The following RFX3 variants were observed in gnomAD, a reference collection of about 807,000 sequenced individuals.
RFX3 encodes regulatory factor X3, also known as transcription factor RFX3.
RFX3 carries 14 observed loss-of-function variants against 98.6 expected under a neutral mutation model. That is an observed-to-expected ratio of 0.14 (90% CI 0.09 to 0.22). The LOEUF is 0.22. Among genes scored for constraint, RFX3 ranks in the 10% least tolerant of loss-of-function variants. The pLI, the probability that RFX3 is intolerant of heterozygous loss-of-function variation, is 1.00. For missense variants in RFX3, 639 were observed against 926.9 expected (o/e 0.69, Z 4.03); for synonymous variants, 383 against 328.4 (o/e 1.17, Z -1.80).
chr9:3,411,828 T>C (rs1165045352), intron 1 of RFX3, among the ~76,000 whole-genome samples: 2 of 151,954 alleles, frequency 1.3e-5, no homozygotes, highest in East Asian at 1.9e-4. Flanking sequence ...CCTCCAATTA[T>C]ACGGACCTAG....
intron 2 of RFX3, among the ~76,000 whole-genome samples, chr9:3,365,120 T>C (rs971907588): frequency 6.6e-6 from 1 of 151,854 alleles, no homozygotes; most frequent in Non-Finnish European, 1.5e-5. Flanking sequence ...GCCAACATGG[T>C]GAAACCCCGT....
intron 2 of RFX3, among the ~76,000 whole-genome samples, chr9:3,349,285 G>T (rs906924516): frequency 1.3e-5 from 2 of 151,764 alleles, no homozygotes; most frequent in African/African-American, 2.4e-5. Flanking sequence ...ACTAATATTT[G>T]ATTATCAAAT....
At chr9:3,442,794 G>C (rs1329937445) in intron 1 of RFX3, among the ~76,000 whole-genome samples, 1 of 152,144 alleles carries the variant, frequency 6.6e-6, no homozygotes, top group East Asian at 1.9e-4. Flanking sequence ...GCTTCTGGAA[G>C]AAGACATAAA....
chr9:3,316,070 A>T (rs765587453), intron 4 of RFX3, among the ~76,000 whole-genome samples: 7 of 150,136 alleles, frequency 4.7e-5, no homozygotes, highest in Admixed American at 2.6e-4. Context: ...GGGACACAAT[A>T]AAAAAAAAGA....
chr9:3,327,211 C>A (rs1832022569), intron 4 of RFX3, among the ~76,000 whole-genome samples: 1 of 151,666 alleles, frequency 6.6e-6, no homozygotes, highest in Admixed American at 6.6e-5. Flanking sequence ...AAAAAAAAAT[C>A]TTGATTTTTA....
chr9:3,344,955 G>C, intron 3 of RFX3: 2 of 626,114 alleles, frequency 3.2e-6, no homozygotes, highest in South Asian at 3.7e-5. Flanking sequence ...GATTTAATAC[G>C]GTAACAGAAA....
intron 2 of RFX3, among the ~76,000 whole-genome samples, chr9:3,380,300 C>G (rs934003407): frequency 6.6e-6 from 1 of 152,218 alleles, no homozygotes; most frequent in Non-Finnish European, 1.5e-5. Flanking sequence ...ACCACCCTCT[C>G]TAGAAAGTTT....
At chr9:3,361,177 G>A (rs1230932519) in intron 2 of RFX3, among the ~76,000 whole-genome samples, 1 of 152,116 alleles carries the variant, frequency 6.6e-6, no homozygotes, top group African/African-American at 2.4e-5. Context: ...ATGTGAAACA[G>A]AAGGAAAAAG....
chr9:3,429,192 T>A (rs1227235832), intron 1 of RFX3, among the ~76,000 whole-genome samples: 1 of 150,746 alleles, frequency 6.6e-6, no homozygotes, highest in African/African-American at 2.4e-5. Context: ...CCGGCTAATT[T>A]TTTGTATTTT....
At chr9:3,337,584 G>A (rs1435560663) in intron 3 of RFX3, among the ~76,000 whole-genome samples, 3 of 152,174 alleles carry the variant, frequency 2.0e-5, no homozygotes, top group Admixed American at 1.3e-4. Flanking sequence ...AGTAGGGCCA[G>A]GACACAAGAT....
intron 2 of RFX3, among the ~76,000 whole-genome samples, chr9:3,358,538 G>A (rs1836037072): frequency 6.6e-6 from 1 of 152,140 alleles, no homozygotes; most frequent in African/African-American, 2.4e-5. Flanking sequence ...ACAGTACAAC[G>A]TAAAAATAGG....
At chr9:3,357,808 G>C (rs899732725) in intron 2 of RFX3, among the ~76,000 whole-genome samples, 7 of 152,004 alleles carry the variant, frequency 4.6e-5, no homozygotes, top group African/African-American at 1.7e-4. Flanking sequence ...ACACTGACTG[G>C]TTCAGTACAT....
intron 1 of RFX3, among the ~76,000 whole-genome samples, chr9:3,492,271 C>G (rs997066407): frequency 6.6e-6 from 1 of 152,338 alleles, no homozygotes; most frequent in East Asian, 1.9e-4. Context: ...TTTTCACTCA[C>G]ATTTTCTCAT....
chr9:3,313,536 G>A (rs1306004580), intron 4 of RFX3, among the ~76,000 whole-genome samples: 3 of 152,230 alleles, frequency 2.0e-5, no homozygotes, highest in Admixed American at 1.3e-4. Flanking sequence ...CGAGTTGAGA[G>A]AAGAAGACTT....
chr9:3,389,879 C>T (rs1449403032), intron 2 of RFX3, among the ~76,000 whole-genome samples: 2 of 152,100 alleles, frequency 1.3e-5, no homozygotes, highest in African/African-American at 2.4e-5. Context: ...AAGTAATATT[C>T]GCCCTGTACA....
At chr9:3,293,978 T>C (rs1827696662) in intron 5 of RFX3, among the ~76,000 whole-genome samples, 1 of 152,190 alleles carries the variant, frequency 6.6e-6, no homozygotes, top group Non-Finnish European at 1.5e-5. Flanking sequence ...GCAATGATAG[T>C]TGGTAACACA....
intron 1 of RFX3, among the ~76,000 whole-genome samples, chr9:3,525,164 G>A (rs1819134934): frequency 1.3e-5 from 2 of 151,962 alleles, no homozygotes. Flanking sequence ...GGGAATGGGC[G>A]GTGGGAAAAG....
At chr9:3,481,564 C>A (rs1236195080) in intron 1 of RFX3, among the ~76,000 whole-genome samples, 16 of 150,448 alleles carry the variant, frequency 1.1e-4, no homozygotes, top group Admixed American at 2.7e-4. Context: ...GTGGGGACAT[C>A]AACTGGAATA....
intron 1 of RFX3, among the ~76,000 whole-genome samples, chr9:3,409,492 A>G (rs1423923401): frequency 1.3e-5 from 2 of 152,248 alleles, no homozygotes; most frequent in Admixed American, 1.3e-4. Context: ...CTTAATAATT[A>G]CTTCCCACTA....
Sources: allele counts gnomAD v4.1 joint callset (sites outside exome capture counted in the v4.1 genomes callset), GRCh38; gene constraint gnomAD v4.1.1; transcripts MANE v1.5; gene names NCBI Gene and HGNC (gene_info 2026-07-23, HGNC 2026-07-21).